BFSP1: variants seen among roughly 807,000 people sequenced by gnomAD.
BFSP1 encodes the protein beaded filament structural protein 1, also known as filensin.
In BFSP1, 38 loss-of-function variants were observed where a neutral mutation model predicts 43.9. The ratio of observed to expected loss-of-function variants is 0.87; its 90% CI spans 0.67 to 1.14. The LOEUF (loss-of-function observed/expected upper bound fraction) is 1.14. BFSP1 is among the 50% of genes most tolerant of loss of function. The probability of loss-of-function intolerance (pLI) is 0.00; values close to 1 mark genes in which losing one functional copy is unlikely to be tolerated. For synonymous variants in BFSP1, 352 were observed against 354.8 expected, an observed-to-expected ratio of 0.99 and a Z score of 0.09; for missense variants, 850 against 875.1, an observed-to-expected ratio of 0.97 and a Z score of 0.36.
rs936407653 is a variant in BFSP1 at position 17,564,127 on chromosome 20, G to A, written n.51-1032C>T. Among the ~76,000 whole-genome samples, 8 of 152,006 alleles carry A rather than the reference G, an allele frequency of 5.3e-5. No homozygotes were observed. In the East Asian group the frequency reaches 5.8e-4, roughly 11 times the overall value. ...GCAGGAGGATCACTTGAGTCCAAGCGTTCCAGACCAGGCTGGGCAACATGG... is the reference window on the plus strand; with the variant it reads ...GCAGGAGGATCACTTGAGTCCAAGCATTCCAGACCAGGCTGGGCAACATGG... On this transcript the variant is annotated intron_variant and non_coding_transcript_variant, in intron 1 of 6. Transcript: ENST00000473415.
chr20:17,531,042 G>C lies in BFSP1; in HGVS notation c.288C>G (p.Arg96=). The C allele has an allele frequency of 7.0e-7, 1 of 1,420,258 alleles. No homozygotes were observed. The highest frequency in any genetic ancestry group is 9.2e-7 in the Non-Finnish European group (1 of 1,090,292). The allele number at this position is 1,420,258 out of a possible 1,614,324, so 88.0% of individuals were successfully genotyped here. A position where few individuals can be genotyped will look rare whatever the true frequency, so the allele number is the denominator to read the frequency against. ...CGGCCTCCAGGTCCCGGACGCGCTGGCGGTTGCTCTCGACTTGGCGGGCGA... is the reference window on the plus strand; with the variant it reads ...CGGCCTCCAGGTCCCGGACGCGCTGCCGGTTGCTCTCGACTTGGCGGGCGA... ...DALARQVESN[R]QRVRDLEAER... The change falls in exon 1 of 8, where the codon CGC becomes CGG. Residue 96 remains arginine (R), a synonymous_variant. Coordinates refer to ENST00000377873, the MANE Select transcript of BFSP1 (RefSeq NM_001195.5).
At chr20:17,536,580 AT>A (rs1178185306) in intron 1 of BFSP1, among the ~76,000 whole-genome samples, 3 of 152,242 alleles carry the variant, frequency 2.0e-5, no homozygotes, top group Non-Finnish European at 4.4e-5. Context: ...CAGTTTCAAA[AT>A]TTTTTAATTA....
intron 5 of BFSP1, among the ~76,000 whole-genome samples, chr20:17,503,280 T>A (rs2033846782): frequency 1.3e-5 from 2 of 152,240 alleles, no homozygotes; most frequent in African/African-American, 4.8e-5. Context: ...TCCTCCCACC[T>A]TGGCCTCCCA....
chr20:17,551,808 CCT>C (rs1170130998), intron 1 of BFSP1, among the ~76,000 whole-genome samples: 1 of 151,852 alleles, frequency 6.6e-6, no homozygotes, highest in Non-Finnish European at 1.5e-5. Flanking sequence ...CATGGTGAAA[CCT>C]CGTCTCTACT....
At chr20:17,549,665 G>A (rs968368647) in intron 1 of BFSP1, among the ~76,000 whole-genome samples, 18 of 152,026 alleles carry the variant, frequency 1.2e-4, no homozygotes, top group African/African-American at 4.1e-4. Context: ...GTGAAACCCC[G>A]TCTGTACTAA....
intron 1 of BFSP1, among the ~76,000 whole-genome samples, chr20:17,554,039 A>G (rs898959636): frequency 6.6e-6 from 1 of 151,446 alleles, no homozygotes; most frequent in African/African-American, 2.4e-5. Flanking sequence ...TATGTCCCCC[A>G]AATTTAAAAT....
At chr20:17,523,382 G>A (rs1238471072) in intron 2 of BFSP1, among the ~76,000 whole-genome samples, 2 of 152,018 alleles carry the variant, frequency 1.3e-5, no homozygotes, top group East Asian at 1.9e-4. Flanking sequence ...GGGCCTCGGA[G>A]GGCCTGAGGG....
chr20:17,514,535 A>G lies in BFSP1; in HGVS notation c.534+186T>C, dbSNP rs80082806. Among the ~76,000 whole-genome samples the G allele has an allele frequency of 0.022, 3,275 of 152,196 alleles. 136 individuals are homozygous for G. The highest frequency in any genetic ancestry group is 0.076 in the African/African-American group (3,135 of 41,512). On this transcript the variant is annotated intron_variant, in intron 3 of 7. Coordinates refer to ENST00000377873, the MANE Select transcript of BFSP1 (RefSeq NM_001195.5). ...CCTCAAAACACACCCACTACTGCCC[A>G]CTCTTCAAAGCACATCTAGCTCAGT...
chr20:17,543,325 G>A (rs969316032), intron 1 of BFSP1, among the ~76,000 whole-genome samples: 1 of 152,210 alleles, frequency 6.6e-6, no homozygotes, highest in Non-Finnish European at 1.5e-5. Flanking sequence ...CAGAGCCCAT[G>A]AAATGTTGTC....
chr20:17,508,869 C>T lies in BFSP1; in HGVS notation c.735+20G>A, dbSNP rs1472178564. Reference sequence around the variant, plus strand: ...AACATGTGGGAAGCCCCAATGCACACGCGGCAGACTCGAGCGTACCTGTGC... The same window carrying T: ...AACATGTGGGAAGCCCCAATGCACATGCGGCAGACTCGAGCGTACCTGTGC... On this transcript the variant is annotated intron_variant, in intron 5 of 7. Transcript: ENST00000377873. 9.1e-6 allele frequency: 14 copies of T among 1,538,194 alleles called. No homozygotes were observed. The highest frequency in any genetic ancestry group is 2.4e-5 in the East Asian group (1 of 41,888).
intron 4 of BFSP1, 90 bp from the exon 5 acceptor site, chr20:17,509,086 C>G (rs764919220): frequency 4.0e-5 from 37 of 935,640 alleles, no homozygotes; most frequent in Non-Finnish European, 5.4e-5. Flanking sequence ...GACGGAATAT[C>G]CGTGTCCCCC....
rs566302004 is a variant in BFSP1 at position 17,551,646 on chromosome 20, C to T, written c.2+7042G>A. Among the ~76,000 whole-genome samples the T allele has an allele frequency of 7.2e-5, 11 of 152,100 alleles. No individual in the cohort carries two copies. The South Asian group carries it at 1.9e-3, about 26-fold the overall frequency. On this transcript the variant is annotated intron_variant, in intron 1 of 7. Transcript: ENST00000377868. ...CAACAAATATGTATTGACAACCTAC[C>T]CTGTGCCAACACTCTTCTGGGCCTT...
intron 2 of BFSP1, among the ~76,000 whole-genome samples, chr20:17,516,657 G>C (rs1175024512): frequency 1.3e-5 from 2 of 152,178 alleles, no homozygotes; most frequent in African/African-American, 4.8e-5. Flanking sequence ...TGGTAAGGGA[G>C]TGGCCAACCC....
chr20:17,503,884 C>G (rs908667892), intron 5 of BFSP1, among the ~76,000 whole-genome samples: 1 of 152,152 alleles, frequency 6.6e-6, no homozygotes, highest in Non-Finnish European at 1.5e-5. Flanking sequence ...TTTCACTTAG[C>G]AAAGTTTTAA....
At chr20:17,504,258 G>A (rs1399918887) in intron 5 of BFSP1, among the ~76,000 whole-genome samples, 2 of 152,168 alleles carry the variant, frequency 1.3e-5, no homozygotes, top group African/African-American at 2.4e-5. Context: ...CCAGTGAAGT[G>A]ATGACTTGGT....
intron 2 of BFSP1, among the ~76,000 whole-genome samples, chr20:17,518,792 A>G (rs1458711717): frequency 6.6e-6 from 1 of 152,202 alleles, no homozygotes; most frequent in African/African-American, 2.4e-5. Context: ...ACCTGTCCTC[A>G]GAGTGACCCA....
At chr20:17,501,451 G>A (rs1020288970) in intron 5 of BFSP1, among the ~76,000 whole-genome samples, 3 of 152,098 alleles carry the variant, frequency 2.0e-5, no homozygotes, top group Non-Finnish European at 2.9e-5. Flanking sequence ...TGTAATCCCA[G>A]CTACTCTGGA....
At chr20:17,512,271 C>T (rs1475907530) in intron 3 of BFSP1, among the ~76,000 whole-genome samples, 3 of 152,232 alleles carry the variant, frequency 2.0e-5, no homozygotes, top group Non-Finnish European at 4.4e-5. Flanking sequence ...ATGCTCATTC[C>T]TGGCACCTCA....
chr20:17,558,738 A>G (rs1188096681), exon 1 of BFSP1: 1 of 1,551,318 alleles, frequency 6.4e-7, no homozygotes, highest in East Asian at 2.4e-5. Context: ...AAATCCATTC[A>G]GCTCACATCC....
Sources: allele counts gnomAD v4.1 joint callset (sites outside exome capture counted in the v4.1 genomes callset), GRCh38; gene constraint gnomAD v4.1.1; transcripts MANE v1.5; gene names NCBI Gene and HGNC (gene_info 2026-07-23, HGNC 2026-07-21).